Variants in SOCS5 observed in about 807,000 individuals in gnomAD.
The protein encoded by SOCS5 is CIS-6.
SOCS5 carries 32 observed loss-of-function variants against 42.8 expected under a neutral mutation model. That is an observed-to-expected ratio of 0.75 (90% CI 0.56 to 1.01). The LOEUF (loss-of-function observed/expected upper bound fraction) is 1.01. Ranked by LOEUF, SOCS5 falls within the 50% of genes least tolerant of loss-of-function variation. SOCS5 has a pLI of 0.00. For synonymous variants in SOCS5, 283 were observed against 229.6 expected, an observed-to-expected ratio of 1.23 and a Z score of -2.10; for missense variants, 627 against 653.0, an observed-to-expected ratio of 0.96 and a Z score of 0.43.
chr2:46,758,626 G>A lies in SOCS5; in HGVS notation c.96G>A (p.Met32Ile), dbSNP rs774542100. 1.5e-5 allele frequency: 24 copies of A among 1,613,874 alleles called. No homozygotes were observed. The South Asian group carries it at 1.9e-4, about 13-fold the overall frequency. The part of the protein sequence containing the change: ...EGGSRSENVD[M>I]NSNRCLSVKE... ...GAAGCCGTAGTGAAAATGTGGACAT[G>A]AACTCCAACAGATGTTTGTCTGTCA... Residue 32 changes from methionine (M) to isoleucine (I), a missense_variant, in exon 2 of 2, where the codon ATG (methionine) becomes ATA (isoleucine). Transcript: ENST00000394861.
intron 1 of SOCS5, among the ~76,000 whole-genome samples, chr2:46,713,332 G>A (rs1453745039): frequency 1.3e-5 from 2 of 152,158 alleles, no homozygotes; most frequent in Admixed American, 6.5e-5. Flanking sequence ...CTCCAGGGTG[G>A]GTGACAGAGT....
At chr2:46,750,671 A>G (rs1271755860) in intron 1 of SOCS5, among the ~76,000 whole-genome samples, 8 of 152,230 alleles carry the variant, frequency 5.3e-5, no homozygotes, top group Non-Finnish European at 1.2e-4. Context: ...TGAGCGGTAT[A>G]CAGGCCTACA....
At chr2:46,705,596 A>T (rs1672444271) in intron 1 of SOCS5, among the ~76,000 whole-genome samples, 1 of 152,196 alleles carries the variant, frequency 6.6e-6, no homozygotes, top group South Asian at 2.1e-4. Context: ...GTTAAATATA[A>T]TCTGTTAAGG....
Position 46,758,990 on chromosome 2 carries a change from A to C in SOCS5, c.460A>C (p.Arg154=). ...TCGAAGTGGACTTCAAAGGAGAGAGAGGCGCTACGGCGTAAGTTCTGTACA... is the reference window on the plus strand; with the variant it reads ...TCGAAGTGGACTTCAAAGGAGAGAGCGGCGCTACGGCGTAAGTTCTGTACA... The part of the protein sequence containing the change: ...RTRSGLQRRE[R]RYGVSSVHDM... The change falls in exon 2 of 2, where the codon AGG becomes CGG. Residue 154 remains arginine (R), a synonymous_variant. Coordinates refer to ENST00000394861, the MANE Select transcript of SOCS5 (RefSeq NM_144949.3). 6.2e-7 allele frequency: 1 copy of C among 1,613,972 alleles called. No homozygotes were observed. Among genetic ancestry groups the C allele is most frequent in the Non-Finnish European group, 8.5e-7 (1 of 1,179,836 alleles).
At chr2:46,720,936 C>T (rs11893159) in intron 1 of SOCS5, among the ~76,000 whole-genome samples, 9,258 of 152,224 alleles carry the variant, frequency 0.061, 302 homozygotes, top group Middle Eastern at 0.13. Context: ...AGCAAGCTTG[C>T]TGTCCCGAGG....
At chr2:46,716,001 G>T (rs1672732902) in intron 1 of SOCS5, among the ~76,000 whole-genome samples, 1 of 151,822 alleles carries the variant, frequency 6.6e-6, no homozygotes, top group Non-Finnish European at 1.5e-5. Flanking sequence ...CTTTAGTTTG[G>T]AAATTTTCTG....
At chr2:46,750,049 C>T (rs944947583) in intron 1 of SOCS5, among the ~76,000 whole-genome samples, 1 of 152,100 alleles carries the variant, frequency 6.6e-6, no homozygotes, top group Non-Finnish European at 1.5e-5. Context: ...TAGATATTAT[C>T]GTCATTGTAC....
chr2:46,757,838 C>T (rs1166981286), intron 1 of SOCS5, among the ~76,000 whole-genome samples: 1 of 151,932 alleles, frequency 6.6e-6, no homozygotes, highest in Non-Finnish European at 1.5e-5. Context: ...TGCACTCCAG[C>T]ATGAACAACA....
At chr2:46,747,826 T>G (rs1331048349) in intron 1 of SOCS5, among the ~76,000 whole-genome samples, 2 of 152,192 alleles carry the variant, frequency 1.3e-5, no homozygotes, top group Non-Finnish European at 2.9e-5. Context: ...TTGAACTTTA[T>G]CGTCATATTG....
intron 1 of SOCS5, among the ~76,000 whole-genome samples, chr2:46,710,518 G>A (rs1672594772): frequency 6.6e-6 from 1 of 152,084 alleles, no homozygotes; most frequent in Non-Finnish European, 1.5e-5. Flanking sequence ...TGTATGTACA[G>A]TTGCATACAC....
chr2:46,707,097 G>C (rs1672511019), intron 1 of SOCS5, among the ~76,000 whole-genome samples: 1 of 152,220 alleles, frequency 6.6e-6, no homozygotes, highest in Non-Finnish European at 1.5e-5. Flanking sequence ...GACTAGCACA[G>C]AAGGTAGAGG....
At chr2:46,739,393 A>T (rs10187320) in intron 1 of SOCS5, among the ~76,000 whole-genome samples, 9,539 of 152,214 alleles carry the variant, frequency 0.063, 386 homozygotes, top group Middle Eastern at 0.22. Flanking sequence ...GCACTTTGCG[A>T]GTGCCTCCAA....
rs1673781682 is a variant in SOCS5, at chr2:46,758,644, G to A, written c.114G>A (p.Leu38=). 4 of 1,613,900 alleles carry A rather than the reference G, an allele frequency of 2.5e-6. No homozygotes were observed. Among genetic ancestry groups the A allele is most frequent in the Admixed American group, 3.3e-5 (2 of 60,002 alleles). The part of the protein sequence containing the change: ...ENVDMNSNRC[L]SVKEKNISIG... ...TGGACATGAACTCCAACAGATGTTT[G>A]TCTGTCAAAGAGAAAAACATCAGCA... Residue 38 remains leucine, a synonymous_variant, in exon 2 of 2, where the codon TTG becomes TTA. Transcript: ENST00000394861.
Position 46,760,220 on chromosome 2 carries a change from G to GCAGT in SOCS5, c.*80_*83dup. The GCAGT allele has an allele frequency of 1.0e-6, 1 of 1,001,154 alleles. No individual in the cohort carries two copies. The highest frequency in any genetic ancestry group is 1.5e-6 in the Non-Finnish European group (1 of 664,152). The allele number at this position is 1,001,154 out of a possible 1,614,324, so 62.0% of individuals were successfully genotyped here. A position where few individuals can be genotyped will look rare whatever the true frequency, so the allele number is the denominator to read the frequency against. ...AGTACACCTATAGCAAGCACACGTA[G>GCAGT]CAGTGTTAGGCTTTTTCATACAGTA... On this transcript the variant is annotated 3_prime_UTR_variant, in exon 2 of 2. Transcript: ENST00000394861.
intron 1 of SOCS5, among the ~76,000 whole-genome samples, chr2:46,742,252 C>G (rs62134765): frequency 0.12 from 17,612 of 151,906 alleles, 1,144 homozygotes; most frequent in Middle Eastern, 0.15. Flanking sequence ...TCTTTGTCTT[C>G]TTTTCTTTTT....
Position 46,759,971 on chromosome 2 carries a change from C to T in SOCS5, c.1441C>T (p.Pro481Ser). The T allele has an allele frequency of 1.2e-6, 2 of 1,614,088 alleles. No individual in the cohort carries two copies. The highest frequency in any genetic ancestry group is 1.7e-6 in the Non-Finnish European group (2 of 1,180,008). Residue 481 changes from proline to serine, a missense_variant, in exon 2 of 2, where the codon CCT (proline) becomes TCT (serine). Coordinates refer to ENST00000394861, the MANE Select transcript of SOCS5 (RefSeq NM_144949.3). Reference sequence around the variant, plus strand: ...TACTATATCACTAAATAGGACTTTCCCTTTTAGCCTGCAGTATATCTGTCG... The same window carrying T: ...TACTATATCACTAAATAGGACTTTCTCTTTTAGCCTGCAGTATATCTGTCG... ...LLTISLNRTFPFSLQYICRAV... is the reference protein window; with the variant it reads ...LLTISLNRTFSFSLQYICRAV...
rs187091041 is a variant in SOCS5, at chr2:46,742,304, T to G, written c.-12-16215T>G. On this transcript the variant is annotated intron_variant, in intron 1 of 1. Coordinates refer to ENST00000394861, the MANE Select transcript of SOCS5 (RefSeq NM_144949.3). ...TTGCTTTGTTGCCTAGGCTGGACTT[T>G]GAGGTCCTGGGCTCAAGCAAGCATC... Among the ~76,000 whole-genome samples, 661 of 152,212 alleles carry G rather than the reference T, an allele frequency of 4.3e-3. 5 individuals are homozygous for G. The highest frequency in any genetic ancestry group is 4.6e-3 in the Non-Finnish European group (310 of 68,016).
intron 1 of SOCS5, among the ~76,000 whole-genome samples, chr2:46,734,261 G>T (rs562335638): frequency 1.6e-4 from 25 of 152,060 alleles, no homozygotes; most frequent in Non-Finnish European, 3.4e-4. Context: ...AATGCCACTT[G>T]TATGAATAAA....
At chr2:46,743,728 A>T (rs1673429251) in intron 1 of SOCS5, among the ~76,000 whole-genome samples, 1 of 152,182 alleles carries the variant, frequency 6.6e-6, no homozygotes, top group Non-Finnish European at 1.5e-5. Context: ...ATACTTGAAC[A>T]TTTAGTATAA....
Sources: gnomAD v4.1 joint callset for allele counts (sites outside exome capture counted in the v4.1 genomes callset) on GRCh38, gnomAD v4.1.1 for gene constraint, MANE v1.5 for transcripts, NCBI Gene and HGNC (gene_info 2026-07-23, HGNC 2026-07-21) for gene names.